DYNLT2B: variants seen among roughly 807,000 people sequenced by gnomAD.
DYNLT2B encodes the protein dynein light chain Tctex-type 2B, also known as dynein light chain Tctex-type protein 2B.
Under a neutral mutation model 19.5 loss-of-function variants are expected in DYNLT2B, and 14 were observed. The ratio of observed to expected loss-of-function variants is 0.72; its 90% confidence interval spans 0.47 to 1.12. The LOEUF (loss-of-function observed/expected upper bound fraction) is 1.12. Among genes scored for constraint, DYNLT2B ranks in the 50% most tolerant of loss-of-function variants. The pLI is 0.00. For missense variants in DYNLT2B, 133 were observed against 174.7 expected (o/e 0.76, Z 1.35); for synonymous variants, 70 against 59.7 (o/e 1.17, Z -0.79).
Position 196,316,088 on chromosome 3 carries a change from C to T in DYNLT2B, c.247+10G>A. 6.2e-7 allele frequency: 1 copy of T among 1,611,946 alleles called. No homozygotes were observed. Among genetic ancestry groups the T allele is most frequent in the African/African-American group, 1.3e-5 (1 of 74,990 alleles). The stretch of plus-strand genomic sequence containing the variant: ...GAGAATGAGTCATTTCCAGTTATCA[C>T]CATGATTACCTTTTAATTTATCTTT... On this transcript the variant is annotated intron_variant, in intron 2 of 4. Coordinates refer to ENST00000325318, the MANE Select transcript of DYNLT2B (RefSeq NM_152773.5).
intron 2 of DYNLT2B, among the ~76,000 whole-genome samples, chr3:196,315,112 A>T (rs893968066): frequency 2.0e-5 from 3 of 152,172 alleles, no homozygotes; most frequent in African/African-American, 4.8e-5. Context: ...TCACATCTTC[A>T]CTCTTTTCCC....
chr3:196,316,339 T>G, intron 1 of DYNLT2B, 108 bp from the exon 2 acceptor site: 1 of 1,082,434 alleles, frequency 9.2e-7, no homozygotes, highest in Non-Finnish European at 1.2e-6. Flanking sequence ...TTAATCCTTC[T>G]TTTTCATATT....
At chr3:196,297,712 T>C (rs990735308) in intron 3 of DYNLT2B, among the ~76,000 whole-genome samples, 5 of 152,176 alleles carry the variant, frequency 3.3e-5, no homozygotes, top group Non-Finnish European at 7.3e-5. Flanking sequence ...ATTTTACCCA[T>C]TTAGTGAATG....
intron 4 of DYNLT2B, among the ~76,000 whole-genome samples, chr3:196,294,299 A>G (rs1230909843): frequency 1.3e-5 from 2 of 152,180 alleles, no homozygotes; most frequent in Non-Finnish European, 2.9e-5. Context: ...GTGAGCTGAG[A>G]TTGTGCCATT....
rs200869314 is a variant in DYNLT2B, at chr3:196,317,281, T to TGTGTTGTG, written c.113+758_113+759insCACAACAC. On this transcript the variant is annotated intron_variant, in intron 1 of 4. Transcript: ENST00000325318. ...CATTTTTTTTCAGTGTGTGTGTGTG[T>TGTGTTGTG]TGTGTGTGTGTGTGTGTGTAAAGTT... Among the ~76,000 whole-genome samples the TGTGTTGTG allele has an allele frequency of 4.6e-4, 24 of 52,668 alleles. 1 individual carries two copies. Among genetic ancestry groups the TGTGTTGTG allele is most frequent in the Non-Finnish European group, 8.1e-4 (21 of 25,864 alleles). 34.6% of individuals were successfully genotyped at this position (52,668 alleles called of 152,430 possible).
Position 196,304,194 on chromosome 3 carries a change from G to A in DYNLT2B, c.317+2749C>T, listed in dbSNP as rs181108362. Among the ~76,000 whole-genome samples the A allele has an allele frequency of 5.8e-3, 885 of 151,390 alleles. 4 individuals carry two copies. Among genetic ancestry groups the A allele is most frequent in the African/African-American group, 0.02 (828 of 41,278 alleles). ...GTTCCCCAGGCTGGAGTGCAGTGGC[G>A]TGATCTCAGCTCACTGCAACCTCCA... On this transcript the variant is annotated intron_variant, in intron 3 of 4. Coordinates refer to ENST00000325318, the MANE Select transcript of DYNLT2B (RefSeq NM_152773.5).
At chr3:196,306,805 T>C in intron 3 of DYNLT2B, 138 bp downstream of exon 3, 1 of 685,794 alleles carries the variant, frequency 1.5e-6, no homozygotes. Flanking sequence ...CCTCCCAAAG[T>C]GCTGAGATTA....
At chr3:196,309,762 G>T (rs1354083447) in intron 2 of DYNLT2B, among the ~76,000 whole-genome samples, 2 of 151,322 alleles carry the variant, frequency 1.3e-5, no homozygotes, top group African/African-American at 2.4e-5. Context: ...AGACCAGCCT[G>T]AACAACATGG....
chr3:196,298,124 G>A, intron 3 of DYNLT2B: 1 of 346,146 alleles, frequency 2.9e-6, no homozygotes, highest in East Asian at 7.7e-5. Flanking sequence ...TTTATTACCA[G>A]TTTTCAACCA....
intron 2 of DYNLT2B, among the ~76,000 whole-genome samples, chr3:196,307,649 G>T (rs1167741863): frequency 1.3e-5 from 2 of 152,016 alleles, no homozygotes; most frequent in African/African-American, 4.8e-5. Flanking sequence ...TTAAATACTA[G>T]TCCTTCAATA....
intron 4 of DYNLT2B, among the ~76,000 whole-genome samples, chr3:196,293,646 A>ATT (rs533399548): frequency 0.013 from 1,541 of 118,874 alleles, 45 homozygotes; most frequent in Non-Finnish European, 0.016. Flanking sequence ...AACAAGATGC[A>ATT]TTTTTTTTTT....
At chr3:196,307,957 T>C (rs1390362722) in intron 2 of DYNLT2B, among the ~76,000 whole-genome samples, 2 of 151,466 alleles carry the variant, frequency 1.3e-5, no homozygotes, top group African/African-American at 2.4e-5. Flanking sequence ...GGCAGATCCC[T>C]GTAACCCCAG....
chr3:196,308,330 C>T (rs535119924), intron 2 of DYNLT2B, among the ~76,000 whole-genome samples: 10 of 152,000 alleles, frequency 6.6e-5, no homozygotes, highest in South Asian at 4.1e-4. Context: ...CGTCCGAGAA[C>T]GAGGGGCATG....
At chr3:196,292,639 T>A (rs1726118821) in intron 4 of DYNLT2B, 2 of 152,194 alleles carry the variant, frequency 1.3e-5, no homozygotes, top group African/African-American at 4.8e-5. Context: ...TTATACTCAG[T>A]GTATTGTTTA....
At chr3:196,297,317 G>A (rs1726247556) in intron 3 of DYNLT2B, among the ~76,000 whole-genome samples, 1 of 152,186 alleles carries the variant, frequency 6.6e-6, no homozygotes, top group Non-Finnish European at 1.5e-5. Flanking sequence ...CTGAGGTCAG[G>A]AGTTCGAGAC....
chr3:196,306,247 C>CAAAA (rs112341100), intron 3 of DYNLT2B, among the ~76,000 whole-genome samples: 6 of 104,484 alleles, frequency 5.7e-5, no homozygotes, highest in African/African-American at 1.6e-4. Context: ...CCCATCTCTG[C>CAAAA]AAAAAAAAAA....
intron 1 of DYNLT2B, among the ~76,000 whole-genome samples, chr3:196,317,282 T>G (rs868144253): frequency 4.2e-4 from 19 of 45,220 alleles, no homozygotes; most frequent in Non-Finnish European, 6.6e-4. Flanking sequence ...GTGTGTGTGT[T>G]GTGTGTGTGT....
At chr3:196,296,982 G>A (rs1042309200) in intron 3 of DYNLT2B, among the ~76,000 whole-genome samples, 17 of 149,104 alleles carry the variant, frequency 1.1e-4, no homozygotes, top group East Asian at 7.9e-4. Flanking sequence ...TCACGAGGTC[G>A]GGGGATCGAG....
intron 2 of DYNLT2B, among the ~76,000 whole-genome samples, chr3:196,311,305 C>T (rs1345825504): frequency 6.6e-6 from 1 of 151,548 alleles, no homozygotes; most frequent in Non-Finnish European, 1.5e-5. Context: ...GTCCCAGCTA[C>T]TTGGGAGGCG....
Sources: allele counts gnomAD v4.1 joint callset (sites outside exome capture counted in the v4.1 genomes callset), GRCh38; gene constraint gnomAD v4.1.1; transcripts MANE v1.5; gene names NCBI Gene and HGNC (gene_info 2026-07-23, HGNC 2026-07-21).